Variants in LRRTM4 observed in about 807,000 individuals in gnomAD.
The protein encoded by LRRTM4 is leucine-rich repeat transmembrane neuronal protein 4.
LRRTM4 carries 25 observed loss-of-function variants against 47.6 expected under a neutral mutation model. That is an observed-to-expected ratio of 0.53 (90% confidence interval 0.38 to 0.73). The LOEUF is 0.73. Ranked by LOEUF, LRRTM4 falls within the 30% of genes least tolerant of loss-of-function variation. LRRTM4 has a pLI of 0.00. For synonymous variants in LRRTM4, 311 were observed against 269.5 expected, an observed-to-expected ratio of 1.15 and a Z score of -1.51; for missense variants, 638 against 713.4, an observed-to-expected ratio of 0.89 and a Z score of 1.20.
At chr2:76,939,181 G>A (rs1336012334) in intron 3 of LRRTM4, among the ~76,000 whole-genome samples, 3 of 152,158 alleles carry the variant, frequency 2.0e-5, no homozygotes, top group African/African-American at 4.8e-5. Flanking sequence ...GTATTTTTAG[G>A]TTGATGTTTG....
At chr2:76,794,295 CAAA>C (rs1675139311) in intron 3 of LRRTM4, among the ~76,000 whole-genome samples, 1 of 152,090 alleles carries the variant, frequency 6.6e-6, no homozygotes, top group Non-Finnish European at 1.5e-5. Context: ...TCGGAGATAA[CAAA>C]TATCTGCATT....
chr2:76,838,214 C>A (rs79105038), intron 3 of LRRTM4, among the ~76,000 whole-genome samples: 43 of 151,866 alleles, frequency 2.8e-4, no homozygotes, highest in African/African-American at 8.7e-4. Context: ...AAAAGAGGTA[C>A]GTAATCACAT....
intron 3 of LRRTM4, among the ~76,000 whole-genome samples, chr2:77,494,377 T>C (rs906288711): frequency 2.0e-5 from 3 of 152,110 alleles, no homozygotes; most frequent in Admixed American, 6.6e-5. Flanking sequence ...ATGTTGCGCA[T>C]TGCTGTCGGT....
At chr2:77,360,517 G>A (rs368902917) in intron 3 of LRRTM4, among the ~76,000 whole-genome samples, 1 of 149,108 alleles carries the variant, frequency 6.7e-6, no homozygotes, top group African/African-American at 2.5e-5. Flanking sequence ...GATACGATAC[G>A]ATACGATACG....
chr2:77,409,682 T>C (rs1674345249), intron 3 of LRRTM4, among the ~76,000 whole-genome samples: 1 of 152,192 alleles, frequency 6.6e-6, no homozygotes. Flanking sequence ...TTTACTCTTC[T>C]AGAAAATATA....
intron 3 of LRRTM4, among the ~76,000 whole-genome samples, chr2:76,941,665 G>A (rs542765571): frequency 1.3e-5 from 2 of 152,250 alleles, no homozygotes; most frequent in African/African-American, 4.8e-5. Context: ...TGGCTGCATA[G>A]TATTCCATGG....
At chr2:77,410,173 G>T (rs1674362702) in intron 3 of LRRTM4, among the ~76,000 whole-genome samples, 1 of 151,986 alleles carries the variant, frequency 6.6e-6, no homozygotes, top group Non-Finnish European at 1.5e-5. Context: ...AAAATATAAA[G>T]AAGAGAAATC....
Position 77,443,584 on chromosome 2 carries a change from T to C in LRRTM4, c.1551+74734A>G, listed in dbSNP as rs1675930317. 3.9e-5 allele frequency among the ~76,000 whole-genome samples: 6 copies of C among 152,246 alleles called. No individual in the cohort carries two copies. The South Asian group carries it at 1.0e-3, about 26-fold the overall frequency. ...CCTGACACTCAATAAATTCTAACTATTACTATTATAATTACTAGTATCACC... is the reference window on the plus strand; with the variant it reads ...CCTGACACTCAATAAATTCTAACTACTACTATTATAATTACTAGTATCACC... On this transcript the variant is annotated intron_variant, in intron 3 of 3. Coordinates refer to ENST00000409884, the MANE Select transcript of LRRTM4 (RefSeq NM_001134745.3).
intron 3 of LRRTM4, among the ~76,000 whole-genome samples, chr2:77,060,066 C>T (rs573653954): frequency 5.3e-5 from 8 of 152,314 alleles, no homozygotes; most frequent in African/African-American, 1.2e-4. Flanking sequence ...GTGTCACCCA[C>T]GAACTAAGAG....
At chr2:77,042,701 T>C (rs1679077968) in intron 3 of LRRTM4, among the ~76,000 whole-genome samples, 1 of 151,746 alleles carries the variant, frequency 6.6e-6, no homozygotes, top group Non-Finnish European at 1.5e-5. Context: ...TATTGTATAA[T>C]TTAACATTAC....
chr2:76,749,772 ATATTCCAAATTTAGGAAAAAGCAAATG>A (rs1428930861), intron 3 of LRRTM4, among the ~76,000 whole-genome samples: 1 of 152,216 alleles, frequency 6.6e-6, no homozygotes, highest in Non-Finnish European at 1.5e-5. Context: ...AAAGATAAAT[ATATTCCAAATTTAGGAAAAAGCAAATG>A]ATACTTGCTT....
chr2:77,521,733 C>T lies in LRRTM4; in HGVS notation c.-62G>A, dbSNP rs368158294. 10 of 1,588,944 alleles carry T rather than the reference C, an allele frequency of 6.3e-6. No homozygotes were observed. The East Asian group carries it at 6.7e-5, about 11-fold the overall frequency. On this transcript the variant is annotated 5_prime_UTR_variant, in exon 2 of 4. Coordinates refer to ENST00000409884, the MANE Select transcript of LRRTM4 (RefSeq NM_001134745.3). Reference sequence around the variant, plus strand: ...CTTTCTTCTTATTTGGTCTCTTGTGCGGAAACCACCACCACCTTCATGACA... The same window carrying T: ...CTTTCTTCTTATTTGGTCTCTTGTGTGGAAACCACCACCACCTTCATGACA...
intron 3 of LRRTM4, among the ~76,000 whole-genome samples, chr2:76,869,959 A>C (rs186646539): frequency 6.6e-6 from 1 of 152,214 alleles, no homozygotes; most frequent in East Asian, 1.9e-4. Flanking sequence ...CATTTAGGAC[A>C]GTAAGTGAGA....
intron 3 of LRRTM4, among the ~76,000 whole-genome samples, chr2:77,408,799 T>TC (rs1674308071): frequency 6.6e-6 from 1 of 152,162 alleles, no homozygotes; most frequent in South Asian, 2.1e-4. Context: ...CTGTATTCAA[T>TC]CCCCCGGTGT....
At chr2:76,959,106 T>C (rs1675770444) in intron 3 of LRRTM4, among the ~76,000 whole-genome samples, 1 of 151,774 alleles carries the variant, frequency 6.6e-6, no homozygotes, top group Admixed American at 6.6e-5. Context: ...GGCATCCCTT[T>C]GGCTGGTTAT....
intron 3 of LRRTM4, among the ~76,000 whole-genome samples, chr2:77,459,848 A>C (rs1200804365): frequency 6.6e-6 from 1 of 151,946 alleles, no homozygotes; most frequent in Non-Finnish European, 1.5e-5. Context: ...GGGGCTTTTG[A>C]ATAATCATTT....
intron 3 of LRRTM4, among the ~76,000 whole-genome samples, chr2:77,049,887 T>C (rs1305479797): frequency 6.6e-6 from 1 of 152,062 alleles, no homozygotes; most frequent in Non-Finnish European, 1.5e-5. Flanking sequence ...TCTTTAGTGT[T>C]TCCTCTCTCT....
At chr2:76,873,511 T>TATATATAC (rs1672694181) in intron 3 of LRRTM4, among the ~76,000 whole-genome samples, 4 of 144,490 alleles carry the variant, frequency 2.8e-5, no homozygotes, top group African/African-American at 5.1e-5. Context: ...TGTGTGTATA[T>TATATATAC]ATATATATAT....
intron 3 of LRRTM4, among the ~76,000 whole-genome samples, chr2:77,388,436 TGA>T (rs1165864486): frequency 6.6e-6 from 1 of 152,152 alleles, no homozygotes; most frequent in Non-Finnish European, 1.5e-5. Flanking sequence ...GAAATAAATC[TGA>T]GAGAGCTTCT....
Sources: allele counts gnomAD v4.1 joint callset (sites outside exome capture counted in the v4.1 genomes callset), GRCh38; gene constraint gnomAD v4.1.1; transcripts MANE v1.5; gene names NCBI Gene and HGNC (gene_info 2026-07-23, HGNC 2026-07-21).